The following SPPL2B variants were observed in gnomAD, a reference collection of about 807,000 sequenced individuals.
SPPL2B encodes the protein signal peptide peptidase-like 2B.
Under a neutral mutation model 59.7 loss-of-function variants are expected in SPPL2B, and 39 were observed. The observed-to-expected ratio is 0.65, with a 90% confidence interval of 0.51 to 0.85. SPPL2B has a LOEUF of 0.85. Among genes scored for constraint, SPPL2B ranks in the 40% least tolerant of loss-of-function variants. SPPL2B has a pLI of 0.00. For synonymous variants in SPPL2B, 419 were observed against 370.8 expected (o/e 1.13, Z -1.49); for missense variants, 865 against 849.0 (o/e 1.02, Z -0.23).
intron 1 of SPPL2B, among the ~76,000 whole-genome samples, chr19:2,331,328 G>A (rs1030736042): frequency 5.9e-5 from 9 of 152,226 alleles, no homozygotes; most frequent in Admixed American, 2.0e-4. Context: ...ACCTGTGTGC[G>A]GTTGCAAAGC....
rs867623461 is a variant in SPPL2B at position 2,353,008 on chromosome 19, C to G, written c.1578C>G (p.Asp526Glu). The change falls in exon 15 of 15, where the codon GAC becomes GAG. Residue 526 changes from aspartate to glutamate, a missense_variant. Physicochemically the swap from Asp to Glu is conservative, Grantham distance 45. Coordinates refer to ENST00000613503, the MANE Select transcript of SPPL2B (RefSeq NM_152988.3). ...CCGACGGCCCGCAGCCTCCCAAAGA[C>G]TCTGCCACGCCACTCTCCCCGCAGC... Reference protein sequence around the residue: ...APADGPQPPKDSATPLSPQPP... With the variant: ...APADGPQPPKESATPLSPQPP... The G allele has an allele frequency of 6.2e-7, 1 of 1,612,190 alleles. No individual in the cohort carries two copies. The highest frequency in any genetic ancestry group is 2.2e-5 in the East Asian group (1 of 44,872).
chr19:2,334,762 C>G, intron 2 of SPPL2B, 41 bp downstream of exon 2: 1 of 1,480,234 alleles, frequency 6.8e-7, no homozygotes, highest in Non-Finnish European at 9.0e-7. Flanking sequence ...GAGGAGAATG[C>G]GGGGGCCCCG....
intron 13 of SPPL2B, among the ~76,000 whole-genome samples, chr19:2,350,878 CA>C (rs1171293926): frequency 6.6e-6 from 1 of 152,252 alleles, no homozygotes; most frequent in African/African-American, 2.4e-5. Context: ...TGTGTATTTA[CA>C]TGCACACGTA....
In SPPL2B at chr19:2,340,961, G is replaced by T; in HGVS notation, c.903G>T (p.Ala301=). The T allele has an allele frequency of 6.2e-7, 1 of 1,604,456 alleles. No individual in the cohort carries two copies. The highest frequency in any genetic ancestry group is 8.5e-7 in the Non-Finnish European group (1 of 1,179,588). ...KRPQARMLLL[A]LFCVAVSVVW... ...CGCAGGCCCGTATGCTGCTCCTGGC[G>T]CTCTTCTGCGTGGCCGTCAGCGTGG... is the stretch of plus-strand genomic sequence containing the variant. The change falls in exon 8 of 15, where the codon GCG becomes GCT. Residue 301 remains alanine, a synonymous_variant. Coordinates refer to ENST00000613503, the MANE Select transcript of SPPL2B (RefSeq NM_152988.3).
intron 7 of SPPL2B, 74 bp downstream of exon 7, chr19:2,340,246 GC>G (rs758899210): frequency 1.4e-4 from 166 of 1,162,440 alleles, no homozygotes; most frequent in Non-Finnish European, 1.9e-4. Flanking sequence ...CCGCCCCATA[GC>G]CCCCCATGGT....
intron 9 of SPPL2B, 119 bp downstream of exon 9, chr19:2,343,411 GA>G: frequency 2.3e-6 from 2 of 862,368 alleles, no homozygotes; most frequent in South Asian, 1.5e-5. Flanking sequence ...CTGCCCTGGG[GA>G]TGGCCGCCTA....
rs1357468929 is a variant in SPPL2B, at chr19:2,345,244, C to T, written c.1277-9C>T. 8 of 1,612,128 alleles carry T rather than the reference C, an allele frequency of 5.0e-6. No homozygotes were observed. The highest frequency in any genetic ancestry group is 1.7e-5 in the Admixed American group (1 of 59,976). On this transcript the variant is annotated splice_polypyrimidine_tract_variant and intron_variant, in intron 12 of 14. Coordinates refer to ENST00000613503, the MANE Select transcript of SPPL2B (RefSeq NM_152988.3). Reference sequence around the variant, plus strand: ...GCCCGAGTAAGCCTCCGCCCTGTGCCTCCCCCAGGGCTGCTGGTGGCCTAC... The same window carrying T: ...GCCCGAGTAAGCCTCCGCCCTGTGCTTCCCCCAGGGCTGCTGGTGGCCTAC...
chr19:2,348,809 C>G (rs1969673903), intron 13 of SPPL2B, among the ~76,000 whole-genome samples: 2 of 145,074 alleles, frequency 1.4e-5, no homozygotes, highest in African/African-American at 5.2e-5. Context: ...TCCACACACA[C>G]TCGTGTTCTC....
At chr19:2,335,041 C>T (rs905529091) in intron 2 of SPPL2B, among the ~76,000 whole-genome samples, 29 of 152,026 alleles carry the variant, frequency 1.9e-4, no homozygotes, top group African/African-American at 7.0e-4. Flanking sequence ...GGAGTAACAG[C>T]AGAGGGCACA....
In SPPL2B at chr19:2,351,451, C is replaced by T; in HGVS notation, c.1372C>T (p.Leu458Phe). ...CCCCACAGCCTATGGCGTTGGCCTC[C>T]TTGTGACATTCGTGGCACTGGCCCT... is the stretch of plus-strand genomic sequence containing the variant. ...ACTIAYGVGL[L>F]VTFVALALMQ... The change falls in exon 14 of 15, where the codon CTT becomes TTT. Residue 458 changes from leucine (L) to phenylalanine (F), a missense_variant. Transcript: ENST00000613503. 1 of 1,607,742 alleles carries T rather than the reference C, an allele frequency of 6.2e-7. No homozygotes were observed. The highest frequency in any genetic ancestry group is 8.5e-7 in the Non-Finnish European group (1 of 1,177,986).
At chr19:2,328,824 CCT>C (rs1968126147) in intron 1 of SPPL2B, 49 bp downstream of exon 1, 2 of 1,321,854 alleles carry the variant, frequency 1.5e-6, no homozygotes, top group Non-Finnish European at 1.9e-6. Context: ...GGCCCTTCGG[CCT>C]CTCTGTCCCC....
chr19:2,342,175 C>G (rs549557327), intron 8 of SPPL2B: 2 of 153,316 alleles, frequency 1.3e-5, no homozygotes, highest in Admixed American at 1.3e-4. Context: ...CAGGGGCCAG[C>G]GGGGAGGGGA....
At chr19:2,348,625 C>T (rs955825437) in intron 13 of SPPL2B, among the ~76,000 whole-genome samples, 7 of 150,212 alleles carry the variant, frequency 4.7e-5, no homozygotes, top group African/African-American at 1.5e-4. Context: ...TCTCTCCACA[C>T]ACACTCACAC....
chr19:2,338,491 G>A (rs1053259135), intron 3 of SPPL2B: 17 of 421,244 alleles, frequency 4.0e-5, no homozygotes, highest in African/African-American at 2.0e-4. Flanking sequence ...GGAGTCCCAC[G>A]GCCGAGGGAG....
At chr19:2,328,883 G>A (rs886513820) in intron 1 of SPPL2B, 108 bp downstream of exon 1, 1 of 1,001,784 alleles carries the variant, frequency 1.0e-6, no homozygotes. Context: ...TGGGGGTCCA[G>A]CCTCGGGGAT....
At chr19:2,340,820 G>T (rs1402933740) in intron 7 of SPPL2B, 78 bp from the exon 8 acceptor site, 2 of 819,768 alleles carry the variant, frequency 2.4e-6, no homozygotes, top group East Asian at 2.6e-5. Flanking sequence ...GGGTGCCTGG[G>T]CCGGTCCCAA....
At chr19:2,341,648 C>A in intron 8 of SPPL2B, 1 of 455,242 alleles carries the variant, frequency 2.2e-6, no homozygotes. Context: ...CTGAGGCAGC[C>A]AAGTACGCTT....
intron 1 of SPPL2B, among the ~76,000 whole-genome samples, chr19:2,331,745 G>A (rs979119883): frequency 5.9e-5 from 9 of 152,226 alleles, no homozygotes; most frequent in African/African-American, 2.2e-4. Context: ...ACAGAGCTTG[G>A]CAAGTGTTTT....
At position 2,334,730 on chromosome 19, in the gene SPPL2B, C is replaced by G. The variant is rs371477485; in HGVS notation, c.186+9C>G. 6.3e-7 allele frequency: 1 copy of G among 1,577,540 alleles called. No homozygotes were observed. The highest frequency in any genetic ancestry group is 8.6e-7 in the Non-Finnish European group (1 of 1,161,730). On this transcript the variant is annotated intron_variant, in intron 2 of 14. Transcript: ENST00000613503. ...ACGACCTCAGCAAGGCAGTGAGTAC[C>G]CGCTGGCCGGGCGCCGCTGCGGAGG...
Sources: allele counts gnomAD v4.1 joint callset (sites outside exome capture counted in the v4.1 genomes callset), GRCh38; gene constraint gnomAD v4.1.1; transcripts MANE v1.5; gene names NCBI Gene and HGNC (gene_info 2026-07-23, HGNC 2026-07-21).